Variants in LETM1 observed in about 807,000 individuals in gnomAD.
LETM1 encodes leucine zipper and EF-hand containing transmembrane protein 1.
Under a neutral mutation model 74.5 loss-of-function variants are expected in LETM1, and 50 were observed. That is an observed-to-expected ratio of 0.67 (90% confidence interval 0.53 to 0.85). LETM1 has a LOEUF of 0.85. Among genes scored for constraint, LETM1 ranks in the 40% least tolerant of loss-of-function variants. The probability of loss-of-function intolerance (pLI) is 0.00; values close to 1 mark genes in which losing one functional copy is unlikely to be tolerated. For synonymous variants in LETM1, 446 were observed against 407.1 expected (o/e 1.10, Z -1.15); for missense variants, 824 against 967.8 (o/e 0.85, Z 1.97).
intron 11 of LETM1, 139 bp downstream of exon 11, chr4:1,819,199 T>C (rs961734217): frequency 2.1e-5 from 17 of 826,828 alleles, no homozygotes; most frequent in Non-Finnish European, 3.1e-5. Context: ...AAGGTTTATT[T>C]ATAACGTGCT....
chr4:1,816,677 C>CGTA, intron 12 of LETM1, 50 bp downstream of exon 12: 1 of 1,552,328 alleles, frequency 6.4e-7, no homozygotes. Context: ...AGGGACCAGC[C>CGTA]TCCCTATGTG....
At chr4:1,853,596 G>A (rs1353849765) in intron 1 of LETM1, among the ~76,000 whole-genome samples, 1 of 152,238 alleles carries the variant, frequency 6.6e-6, no homozygotes, top group Non-Finnish European at 1.5e-5. Flanking sequence ...GACAAGGAAA[G>A]CCTGAGAGGC....
At position 1,813,475 on chromosome 4, in the gene LETM1, C is replaced by T. The variant is rs953302456; in HGVS notation, c.*949G>A. On this transcript the variant is annotated 3_prime_UTR_variant, in exon 14 of 14. Transcript: ENST00000302787. ...GAGGGCACAGGGCAAACCCTAAGCA[C>T]GGGGGTATTGCCCTTGAAGCCCCAG... 4 of 152,352 alleles carry T rather than the reference C, an allele frequency of 2.6e-5. No individual in the cohort carries two copies. The highest frequency in any genetic ancestry group is 2.1e-4 in the South Asian group (1 of 4,834). 9.4% of individuals were successfully genotyped at this position (152,352 alleles called of 1,614,324 possible). A position where few individuals can be genotyped will look rare whatever the true frequency, so the allele number is the denominator to read the frequency against.
intron 3 of LETM1, among the ~76,000 whole-genome samples, chr4:1,838,942 T>C (rs1712582605): frequency 6.6e-6 from 1 of 152,234 alleles, no homozygotes; most frequent in Admixed American, 6.5e-5. Flanking sequence ...CCCTCTGAAG[T>C]GAGATTCCAT....
At chr4:1,823,805 G>T (rs1711884610) in intron 7 of LETM1, 30 bp from the exon 8 acceptor site, 1 of 1,588,652 alleles carries the variant, frequency 6.3e-7, no homozygotes, top group African/African-American at 1.3e-5. Flanking sequence ...CAGCAGATGG[G>T]CAGCCCCCCA....
In LETM1 at chr4:1,832,993, C is replaced by T. The variant is rs6832340; in HGVS notation, c.877-46G>A. 460 of 1,583,384 alleles carry T rather than the reference C, an allele frequency of 2.9e-4. 4 individuals are homozygous for T. The East Asian group carries it at 7.2e-3, about 25-fold the overall frequency. On this transcript the variant is annotated intron_variant, in intron 5 of 13. Coordinates refer to ENST00000302787, the MANE Select transcript of LETM1 (RefSeq NM_012318.3). ...GTCATCCCCGGGACACGCGCCCACC[C>T]GGCTCCCTCCCACGACCAACCACAT... is the stretch of plus-strand genomic sequence containing the variant.
chr4:1,855,965 C>G lies in LETM1; in HGVS notation c.-15G>C. On this transcript the variant is annotated 5_prime_UTR_variant, in exon 1 of 14. Transcript: ENST00000302787. ...ATGGACGCCATGTGCTCGGGCGCGG[C>G]GGCCGCTCCGGCCTCCTGCGCTGCC... 1.7e-6 allele frequency: 2 copies of G among 1,205,804 alleles called. No homozygotes were observed. The highest frequency in any genetic ancestry group is 3.3e-4 in the Middle Eastern group (1 of 3,066). 74.7% of individuals were successfully genotyped at this position (1,205,804 alleles called of 1,614,324 possible).
chr4:1,817,570 C>CA (rs917638402), intron 11 of LETM1, among the ~76,000 whole-genome samples: 5 of 151,618 alleles, frequency 3.3e-5, no homozygotes, highest in African/African-American at 9.7e-5. Context: ...CAAACAACAA[C>CA]AAAAAAAGGT....
At chr4:1,827,171 G>A (rs975481736) in intron 6 of LETM1, among the ~76,000 whole-genome samples, 3 of 152,270 alleles carry the variant, frequency 2.0e-5, no homozygotes, top group African/African-American at 7.2e-5. Context: ...TCCTTTAGGG[G>A]AGGTCTGCTG....
At chr4:1,830,037 C>A (rs1471665081) in intron 6 of LETM1, among the ~76,000 whole-genome samples, 4 of 152,168 alleles carry the variant, frequency 2.6e-5, no homozygotes, top group Admixed American at 6.5e-5. Flanking sequence ...TTAACTGAGC[C>A]TGGGAAGTTT....
rs539245543 is a variant in LETM1 at position 1,845,237 on chromosome 4, G to A, written c.144-3440C>T. ...TCCACCTACTCACCCTCAGAGATCT[G>A]GGCCATTTCATCTGAGGATTACCTG... On this transcript the variant is annotated intron_variant, in intron 2 of 13. Coordinates refer to ENST00000302787, the MANE Select transcript of LETM1 (RefSeq NM_012318.3). Among the ~76,000 whole-genome samples, 6 of 152,142 alleles carry A rather than the reference G, an allele frequency of 3.9e-5. No individual in the cohort carries two copies. The South Asian group carries it at 1.2e-3, about 32-fold the overall frequency.
In LETM1 at chr4:1,816,801, GA is replaced by G. The variant is rs1461437461; in HGVS notation, c.1856del (p.Ile619ThrfsTer4). On this transcript the variant is annotated frameshift_variant, in exon 12 of 14. Coordinates refer to ENST00000302787, the MANE Select transcript of LETM1 (RefSeq NM_012318.3). LOFTEE classifies it high-confidence loss of function. The stretch of plus-strand genomic sequence containing the variant: ...TCTCCAGCTGCGAGATCAAGCCATC[GA>G]TCTGCCCGATCATTTGCTGCACCCT... ...TKRVQQMIGQ[I>X]DGLISQLEMD... 2 of 1,614,218 alleles carry G rather than the reference GA, an allele frequency of 1.2e-6. No homozygotes were observed. Among genetic ancestry groups the G allele is most frequent in the Non-Finnish European group, 1.7e-6 (2 of 1,180,022 alleles).
At chr4:1,833,250 A>T in intron 5 of LETM1, 1 of 374,988 alleles carries the variant, frequency 2.7e-6, no homozygotes, top group Admixed American at 3.9e-5. Context: ...TTTGTATTTT[A>T]GTAGAGATGG....
chr4:1,820,037 A>T (rs145356372), intron 10 of LETM1, among the ~76,000 whole-genome samples: 4 of 152,308 alleles, frequency 2.6e-5, no homozygotes, highest in Non-Finnish European at 5.9e-5. Flanking sequence ...TCCCAAGCTC[A>T]AGCAATCTCC....
Position 1,834,509 on chromosome 4 carries a change from G to A in LETM1, c.876+336C>T. On this transcript the variant is annotated intron_variant, in intron 5 of 13. Coordinates refer to ENST00000302787, the MANE Select transcript of LETM1 (RefSeq NM_012318.3). The surrounding 1 kb of genome is among the most constrained non-coding windows in gnomAD (Gnocchi z 5.0). ...CAGCCAGAGGGCAATGCCCAGCAGA[G>A]GAGCCCGGCCAAGCCACCCACACCT... 2.8e-6 allele frequency: 3 copies of A among 1,089,984 alleles called. No homozygotes were observed. The highest frequency in any genetic ancestry group is 2.2e-6 in the Non-Finnish European group (2 of 894,722). The allele number at this position is 1,089,984 out of a possible 1,614,324, so 67.5% of individuals were successfully genotyped here. A position where few individuals can be genotyped will look rare whatever the true frequency, so the allele number is the denominator to read the frequency against.
chr4:1,849,128 G>C (rs370883664), intron 2 of LETM1, 21 bp downstream of exon 2: 1 of 1,576,932 alleles, frequency 6.3e-7, no homozygotes, highest in East Asian at 2.2e-5. Flanking sequence ...GACAGGTGCA[G>C]AGTGATACTG....
At position 1,836,311 on chromosome 4, in the gene LETM1, A is replaced by G; in HGVS notation, c.738+118T>C. On this transcript the variant is annotated intron_variant, in intron 4 of 13. Transcript: ENST00000302787. This position sits in a 1 kb window ranked among gnomAD's most constrained non-coding sequence, Gnocchi z 5.8. ...AATAATTATTGCACAGCACAAGGAC[A>G]ATATGAAGATACATAAAGTCTCAAA... is the stretch of plus-strand genomic sequence containing the variant. 1.1e-6 allele frequency: 1 copy of G among 937,034 alleles called. No individual in the cohort carries two copies. Among genetic ancestry groups the G allele is most frequent in the South Asian group, 1.5e-5 (1 of 68,148 alleles). The allele number at this position is 937,034 out of a possible 1,614,324, so 58.0% of individuals were successfully genotyped here.
chr4:1,815,092 T>C (rs557924778), intron 13 of LETM1, among the ~76,000 whole-genome samples: 75 of 152,276 alleles, frequency 4.9e-4, no homozygotes, highest in African/African-American at 1.6e-3. Context: ...ATGTCAGTGA[T>C]TGGGAAAATT....
chr4:1,837,302 C>T (rs1485641298), intron 3 of LETM1, among the ~76,000 whole-genome samples: 38 of 152,152 alleles, frequency 2.5e-4, no homozygotes, highest in Admixed American at 2.5e-3. Context: ...CCTCATCAGC[C>T]TCTCTCCCGA....
Sources: gnomAD v4.1 joint callset for allele counts (sites outside exome capture counted in the v4.1 genomes callset) on GRCh38, gnomAD v4.1.1 for gene constraint, Gnocchi (gnomAD v3.1) non-coding constraint, MANE v1.5 for transcripts, NCBI Gene and HGNC (gene_info 2026-07-23, HGNC 2026-07-21) for gene names.